The following ADAMTSL1 variants were observed in gnomAD, a reference collection of about 807,000 sequenced individuals.
ADAMTSL1 encodes ADAMTS like 1.
In ADAMTSL1, 126 loss-of-function variants were observed where a neutral mutation model predicts 201.8. The observed-to-expected ratio is 0.62, with a 90% CI of 0.54 to 0.72. ADAMTSL1 has a LOEUF of 0.72. Among genes scored for constraint, ADAMTSL1 ranks in the 30% least tolerant of loss-of-function variants. The pLI is 0.00. For missense variants in ADAMTSL1, 2,679 were observed against 2,277.8 expected, an observed-to-expected ratio of 1.18 and a Z score of -3.59; for synonymous variants, 1,121 against 903.4, an observed-to-expected ratio of 1.24 and a Z score of -4.32.
intron 1 of ADAMTSL1, among the ~76,000 whole-genome samples, chr9:18,051,098 G>C (rs186182652): frequency 6.6e-6 from 1 of 152,100 alleles, no homozygotes; most frequent in East Asian, 1.9e-4. Context: ...TCAGGAGATG[G>C]AGACCATCCT....
At chr9:18,482,382 C>T (rs1291728123) in intron 1 of ADAMTSL1, among the ~76,000 whole-genome samples, 1 of 152,162 alleles carries the variant, frequency 6.6e-6, no homozygotes, top group Non-Finnish European at 1.5e-5. Context: ...ACGGAGTTTC[C>T]ATTTTCATCT....
At chr9:18,416,712 T>C (rs1818692031) in intron 2 of ADAMTSL1, among the ~76,000 whole-genome samples, 1 of 151,996 alleles carries the variant, frequency 6.6e-6, no homozygotes, top group South Asian at 2.1e-4. Flanking sequence ...GAGGAGTCAA[T>C]ACATTAGGAG....
At chr9:18,253,528 C>G (rs1334096972) in intron 2 of ADAMTSL1, among the ~76,000 whole-genome samples, 1 of 152,072 alleles carries the variant, frequency 6.6e-6, no homozygotes, top group Non-Finnish European at 1.5e-5. Flanking sequence ...TAGGAAGCGT[C>G]GCTGATTACT....
At chr9:18,735,932 C>G (rs1248921657) in intron 15 of ADAMTSL1, among the ~76,000 whole-genome samples, 1 of 151,470 alleles carries the variant, frequency 6.6e-6, no homozygotes, top group Non-Finnish European at 1.5e-5. Flanking sequence ...GGGCAACAGA[C>G]CCCCCACCTC....
At chr9:17,974,725 C>T (rs1245645242) in intron 1 of ADAMTSL1, among the ~76,000 whole-genome samples, 1 of 152,010 alleles carries the variant, frequency 6.6e-6, no homozygotes, top group East Asian at 1.9e-4. Context: ...AGTAATGTTT[C>T]ATGATATATA....
At chr9:18,307,158 A>C (rs1160139255) in intron 2 of ADAMTSL1, among the ~76,000 whole-genome samples, 3 of 152,164 alleles carry the variant, frequency 2.0e-5, no homozygotes, top group African/African-American at 7.2e-5. Context: ...AGATTTTTTC[A>C]CCACCAGGCC....
intron 2 of ADAMTSL1, among the ~76,000 whole-genome samples, chr9:18,389,834 A>T (rs1198629287): frequency 6.6e-6 from 1 of 152,224 alleles, no homozygotes; most frequent in African/African-American, 2.4e-5. Flanking sequence ...GTGGTTTTTA[A>T]GTCCAAATAT....
chr9:18,525,274 G>A (rs1273784673), intron 2 of ADAMTSL1, among the ~76,000 whole-genome samples: 1 of 152,118 alleles, frequency 6.6e-6, no homozygotes, highest in Non-Finnish European at 1.5e-5. Flanking sequence ...ATTTCTGTGG[G>A]ATCAGTGGTG....
At chr9:18,756,971 C>T (rs1161116833) in intron 16 of ADAMTSL1, among the ~76,000 whole-genome samples, 2 of 152,216 alleles carry the variant, frequency 1.3e-5, no homozygotes, top group Admixed American at 6.5e-5. Flanking sequence ...CCAATATTTA[C>T]ACATTCTGCA....
chr9:17,993,598 C>G (rs1307808076), intron 1 of ADAMTSL1, among the ~76,000 whole-genome samples: 1 of 152,166 alleles, frequency 6.6e-6, no homozygotes, highest in Non-Finnish European at 1.5e-5. Context: ...TGTCAGCCAT[C>G]TCAACTTGGT....
chr9:18,341,227 GT>G (rs1835452495), intron 2 of ADAMTSL1, among the ~76,000 whole-genome samples: 1 of 152,058 alleles, frequency 6.6e-6, no homozygotes, highest in South Asian at 2.1e-4. Flanking sequence ...CATCTTCTCA[GT>G]TTTATTCTCT....
intron 23 of ADAMTSL1, among the ~76,000 whole-genome samples, chr9:18,883,347 A>G (rs1275530640): frequency 6.6e-6 from 1 of 152,204 alleles, no homozygotes; most frequent in Admixed American, 6.5e-5. Context: ...TGGCAAAGGC[A>G]CAACAGCACA....
chr9:18,806,742 T>C (rs1480953497), intron 20 of ADAMTSL1, among the ~76,000 whole-genome samples: 1 of 152,206 alleles, frequency 6.6e-6, no homozygotes, highest in East Asian at 1.9e-4. Flanking sequence ...TTCTGAGCAT[T>C]GCTCCAGGGG....
intron 1 of ADAMTSL1, among the ~76,000 whole-genome samples, chr9:18,042,232 T>A (rs1203103015): frequency 6.6e-6 from 1 of 152,142 alleles, no homozygotes; most frequent in African/African-American, 2.4e-5. Flanking sequence ...AAGATTCATA[T>A]GCAAAAGTTT....
chr9:18,770,903 T>G (rs1820653752), intron 17 of ADAMTSL1, 122 bp downstream of exon 17: 6 of 1,107,750 alleles, frequency 5.4e-6, no homozygotes, highest in Non-Finnish European at 7.6e-6. Flanking sequence ...TGGAATAGTA[T>G]TTTTGTAACC....
chr9:18,648,618 A>G lies in ADAMTSL1; in HGVS notation c.835-9021A>G, dbSNP rs1827979993. On this transcript the variant is annotated intron_variant, in intron 7 of 28. Coordinates refer to ENST00000380548, the MANE Select transcript of ADAMTSL1 (RefSeq NM_001040272.6). Reference sequence around the variant, plus strand: ...AATCTCTCAGCATTTGCTTGTCTATAAAGTATTTTATTTCTCCTTCACTGA... The same window carrying G: ...AATCTCTCAGCATTTGCTTGTCTATGAAGTATTTTATTTCTCCTTCACTGA... Among the ~76,000 whole-genome samples, 5 of 151,596 alleles carry G rather than the reference A, an allele frequency of 3.3e-5. No homozygotes were observed. The South Asian group carries it at 6.3e-4, about 19-fold the overall frequency.
At chr9:18,832,150 C>T (rs1825026379) in intron 23 of ADAMTSL1, among the ~76,000 whole-genome samples, 1 of 152,184 alleles carries the variant, frequency 6.6e-6, no homozygotes, top group Non-Finnish European at 1.5e-5. Flanking sequence ...ACAGCTTGTC[C>T]ATTCAGATTT....
chr9:18,485,500 G>C (rs908110233), intron 1 of ADAMTSL1, among the ~76,000 whole-genome samples: 29 of 152,140 alleles, frequency 1.9e-4, no homozygotes, highest in African/African-American at 7.0e-4. Context: ...ATAATAGACC[G>C]AGGCAGAGCA....
chr9:18,792,624 A>C (rs1822131261), intron 19 of ADAMTSL1, among the ~76,000 whole-genome samples: 1 of 152,226 alleles, frequency 6.6e-6, no homozygotes, highest in African/African-American at 2.4e-5. Flanking sequence ...AACTTGACTA[A>C]GCCTGCTTTC....
Sources: gnomAD v4.1 joint callset for allele counts (sites outside exome capture counted in the v4.1 genomes callset) on GRCh38, gnomAD v4.1.1 for gene constraint, MANE v1.5 for transcripts, NCBI Gene and HGNC (gene_info 2026-07-23, HGNC 2026-07-21) for gene names.